MACO1: variants seen among roughly 807,000 people sequenced by gnomAD.
The protein encoded by MACO1 is macoilin 1.
In MACO1, 14 loss-of-function variants were observed where a neutral mutation model predicts 78.7. The ratio of observed to expected loss-of-function variants is 0.18; its 90% CI spans 0.12 to 0.28. The LOEUF (loss-of-function observed/expected upper bound fraction) is 0.28. MACO1 is among the 10% of genes least tolerant of loss of function. MACO1 has a pLI of 1.00. For synonymous variants in MACO1, 288 were observed against 291.6 expected, an observed-to-expected ratio of 0.99 and a Z score of 0.12; for missense variants, 501 against 799.0, an observed-to-expected ratio of 0.63 and a Z score of 4.50.
intron 6 of MACO1, among the ~76,000 whole-genome samples, chr1:25,479,025 G>A (rs981517535): frequency 2.0e-5 from 3 of 152,136 alleles, no homozygotes; most frequent in African/African-American, 4.8e-5. Flanking sequence ...ATAGTCTAGG[G>A]AAGAGTGTGG....
chr1:25,439,451 G>A (rs2124569799), intron 1 of MACO1, among the ~76,000 whole-genome samples: 1 of 152,152 alleles, frequency 6.6e-6, no homozygotes, highest in Admixed American at 6.5e-5. Flanking sequence ...ATTTGTCATT[G>A]CAGTGGCTGC....
At chr1:25,439,346 T>C (rs537705360) in intron 1 of MACO1, among the ~76,000 whole-genome samples, 7 of 151,854 alleles carry the variant, frequency 4.6e-5, no homozygotes, top group African/African-American at 1.4e-4. Flanking sequence ...CAGTGAGTTA[T>C]GATCACACCA....
At chr1:25,487,841 G>A (rs35701866) in intron 8 of MACO1, among the ~76,000 whole-genome samples, 1,873 of 152,264 alleles carry the variant, frequency 0.012, 118 homozygotes, top group Admixed American at 0.11. Context: ...GAAGTTTGCT[G>A]GATTGGGAAG....
intron 3 of MACO1, among the ~76,000 whole-genome samples, chr1:25,453,641 C>T (rs983474293): frequency 9.7e-5 from 12 of 123,942 alleles, no homozygotes; most frequent in African/African-American, 2.9e-4. Flanking sequence ...CCAGCCTGGG[C>T]GACAGAGTGA....
At chr1:25,483,818 GTCCCTTTCTCCTT>G (rs1456243438) in intron 6 of MACO1, among the ~76,000 whole-genome samples, 1 of 152,202 alleles carries the variant, frequency 6.6e-6, no homozygotes, top group Non-Finnish European at 1.5e-5. Context: ...CCTCTCTGCT[GTCCCTTTCTCCTT>G]TATCAGCAGC....
intron 6 of MACO1, among the ~76,000 whole-genome samples, chr1:25,467,309 G>A (rs537795066): frequency 1.3e-5 from 2 of 152,192 alleles, no homozygotes; most frequent in Admixed American, 6.5e-5. Context: ...AGCAGGGTGC[G>A]ACACCTGAAC....
Position 25,456,704 on chromosome 1 carries a change from C to G in MACO1, c.525C>G (p.Ser175Arg). The change falls in exon 5 of 11, where the codon AGC becomes AGG. Residue 175 changes from serine to arginine, a missense_variant. Physicochemically the swap from Ser to Arg is moderately radical, Grantham distance 110. Coordinates refer to ENST00000374343, the MANE Select transcript of MACO1 (RefSeq NM_018202.6). ...GGTTTGGCTTCAAAAGTTACGTAAG[C>G]TACAAAATGCGGTTAAGGAAGCAAA... ...TLGFGFKSYVSYKMRLRKQKE... is the reference protein window; with the variant it reads ...TLGFGFKSYVRYKMRLRKQKE... 6.2e-7 allele frequency: 1 copy of G among 1,613,908 alleles called. No homozygotes were observed. The highest frequency in any genetic ancestry group is 8.5e-7 in the Non-Finnish European group (1 of 1,179,938).
chr1:25,437,406 C>G (rs1050246261), intron 1 of MACO1, among the ~76,000 whole-genome samples: 6 of 151,350 alleles, frequency 4.0e-5, no homozygotes, highest in Non-Finnish European at 5.9e-5. Context: ...AGCCACTCAC[C>G]TTGACCTCTC....
Position 25,491,580 on chromosome 1 carries a change from C to A in MACO1, c.1788C>A (p.Ala596=), listed in dbSNP as rs1010430740. ...LGDAKRQLEI[A]QGQILQKDQE... is the part of the protein sequence containing the mutation. Reference sequence around the variant, plus strand: ...ATGCAAAGCGGCAGCTCGAGATTGCCCAAGGTAGGAGAACGTGGGCCCCTG... The same window carrying A: ...ATGCAAAGCGGCAGCTCGAGATTGCACAAGGTAGGAGAACGTGGGCCCCTG... Residue 596 remains alanine, a synonymous_variant, in exon 10 of 11, where the codon GCC becomes GCA. Coordinates refer to ENST00000374343, the MANE Select transcript of MACO1 (RefSeq NM_018202.6). 1 of 1,614,014 alleles carries A rather than the reference C, an allele frequency of 6.2e-7. No individual in the cohort carries two copies. The highest frequency in any genetic ancestry group is 8.5e-7 in the Non-Finnish European group (1 of 1,179,930).
intron 2 of MACO1, among the ~76,000 whole-genome samples, chr1:25,447,757 G>GGATCTCAAAGAGCCCTTGGAGT (rs2043028877): frequency 6.6e-6 from 1 of 152,126 alleles, no homozygotes; most frequent in Non-Finnish European, 1.5e-5. Context: ...GCCCTTGGAG[G>GGATCTCAAAGAGCCCTTGGAGT]GATCTCAAAG....
rs534760678 is a variant in MACO1 at position 25,431,001 on chromosome 1, G to A, written c.-98G>A. 1,974 of 940,290 alleles carry A rather than the reference G, an allele frequency of 2.1e-3. 9 individuals carry two copies. Among genetic ancestry groups the A allele is most frequent in the Non-Finnish European group, 2.7e-3 (1,745 of 651,962 alleles). The allele number at this position is 940,290 out of a possible 1,614,324, so 58.2% of individuals were successfully genotyped here. ...CCATGTCTGTGTGACCGGCCTCAGGGGTAGAGTCCAGGCCCGACGCGGGGC... is the reference window on the plus strand; with the variant it reads ...CCATGTCTGTGTGACCGGCCTCAGGAGTAGAGTCCAGGCCCGACGCGGGGC... On this transcript the variant is annotated 5_prime_UTR_variant, in exon 1 of 11. Coordinates refer to ENST00000374343, the MANE Select transcript of MACO1 (RefSeq NM_018202.6).
intron 10 of MACO1, among the ~76,000 whole-genome samples, chr1:25,496,968 C>T (rs984891422): frequency 2.6e-5 from 4 of 152,152 alleles, no homozygotes; most frequent in Non-Finnish European, 5.9e-5. Context: ...ATGGGGTTGT[C>T]GTAAGAAAGA....
chr1:25,487,308 C>T (rs977895224), intron 8 of MACO1, among the ~76,000 whole-genome samples: 3 of 152,116 alleles, frequency 2.0e-5, no homozygotes, highest in East Asian at 1.9e-4. Context: ...CTCCTGCCAC[C>T]GTGCCCAGCA....
At position 25,485,897 on chromosome 1, in the gene MACO1, C is replaced by A; in HGVS notation, c.1496+102C>A. On this transcript the variant is annotated intron_variant, in intron 8 of 10. Coordinates refer to ENST00000374343, the MANE Select transcript of MACO1 (RefSeq NM_018202.6). The surrounding 1 kb of genome is among the most constrained non-coding windows in gnomAD (Gnocchi z 4.3). ...TGGGCAGGATTGGACGTACAGCAATCATGCACGGATGGATTGCTTTTAAGT... is the reference window on the plus strand; with the variant it reads ...TGGGCAGGATTGGACGTACAGCAATAATGCACGGATGGATTGCTTTTAAGT... 7.8e-7 allele frequency: 1 copy of A among 1,275,884 alleles called. No individual in the cohort carries two copies. The highest frequency in any genetic ancestry group is 1.1e-6 in the Non-Finnish European group (1 of 911,986). The allele number at this position is 1,275,884 out of a possible 1,614,324, so 79.0% of individuals were successfully genotyped here. A position where few individuals can be genotyped will look rare whatever the true frequency, so the allele number is the denominator to read the frequency against.
At chr1:25,460,840 C>T (rs2043164291) in intron 6 of MACO1, among the ~76,000 whole-genome samples, 2 of 152,120 alleles carry the variant, frequency 1.3e-5, no homozygotes, top group South Asian at 4.1e-4. Context: ...CCTTGACCTA[C>T]AGTGTCCCAG....
At chr1:25,468,319 C>G (rs527714182) in intron 6 of MACO1, among the ~76,000 whole-genome samples, 6 of 152,130 alleles carry the variant, frequency 3.9e-5, no homozygotes, top group African/African-American at 1.2e-4. Context: ...GGGAATTGTT[C>G]TTTATGTCTG....
chr1:25,463,651 G>T (rs889118695), intron 6 of MACO1, among the ~76,000 whole-genome samples: 4 of 152,036 alleles, frequency 2.6e-5, no homozygotes, highest in African/African-American at 9.7e-5. Context: ...TTAGAATAAG[G>T]TTGGTTTAAA....
At chr1:25,457,091 C>G (rs2043128154) in intron 5 of MACO1, among the ~76,000 whole-genome samples, 2 of 150,246 alleles carry the variant, frequency 1.3e-5, no homozygotes, top group South Asian at 4.2e-4. Flanking sequence ...TATTTTAATT[C>G]TGATTTTTTT....
chr1:25,489,121 C>A (rs1240404106), intron 8 of MACO1, 52 bp from the exon 9 acceptor site: 8 of 1,578,304 alleles, frequency 5.1e-6, no homozygotes, highest in Non-Finnish European at 6.9e-6. Flanking sequence ...GGGCCCAGCC[C>A]CAACCTATAG....
Sources: gnomAD v4.1 joint callset for allele counts (sites outside exome capture counted in the v4.1 genomes callset) on GRCh38, gnomAD v4.1.1 for gene constraint, Gnocchi (gnomAD v3.1) non-coding constraint, MANE v1.5 for transcripts, NCBI Gene and HGNC (gene_info 2026-07-23, HGNC 2026-07-21) for gene names.